SGMS2: variants seen among roughly 807,000 people sequenced by gnomAD.
SGMS2 encodes phosphatidylcholine:ceramide cholinephosphotransferase 2.
SGMS2 carries 21 observed loss-of-function variants against 43.8 expected under a neutral mutation model. That is an observed-to-expected ratio of 0.48 (90% CI 0.34 to 0.69). The LOEUF (loss-of-function observed/expected upper bound fraction) is 0.69. Ranked by LOEUF, SGMS2 falls within the 30% of genes least tolerant of loss-of-function variation. The pLI is 0.01. For missense variants in SGMS2, 384 were observed against 443.2 expected (o/e 0.87, Z 1.20); for synonymous variants, 167 against 160.6 (o/e 1.04, Z -0.30).
intron 2 of SGMS2, among the ~76,000 whole-genome samples, chr4:107,875,343 ATGTCCTGTGCAG>A (rs1209626263): frequency 6.6e-6 from 1 of 152,228 alleles, no homozygotes; most frequent in African/African-American, 2.4e-5. Context: ...GAATGAGATC[ATGTCCTGTGCAG>A]GGACATGGAT....
chr4:107,839,937 G>A (rs546981539), intron 1 of SGMS2, among the ~76,000 whole-genome samples: 6 of 152,116 alleles, frequency 3.9e-5, no homozygotes, highest in Admixed American at 3.9e-4. Context: ...CCTGGTTCAC[G>A]CTAGTCACAG....
chr4:107,838,636 C>A (rs1444732717), intron 1 of SGMS2, among the ~76,000 whole-genome samples: 1 of 152,064 alleles, frequency 6.6e-6, no homozygotes, highest in Non-Finnish European at 1.5e-5. Context: ...TGTCACTCCA[C>A]TACTATATTA....
intron 2 of SGMS2, among the ~76,000 whole-genome samples, chr4:107,879,356 G>A (rs544442999): frequency 1.3e-5 from 2 of 152,252 alleles, no homozygotes; most frequent in South Asian, 4.1e-4. Flanking sequence ...GTAGTGCTCA[G>A]CTGGTAAGTA....
intron 2 of SGMS2, among the ~76,000 whole-genome samples, chr4:107,883,337 T>C (rs1159096657): frequency 2.6e-5 from 4 of 152,182 alleles, no homozygotes; most frequent in African/African-American, 7.2e-5. Context: ...ATTTTTGAAA[T>C]AGAGTCTTGC....
intron 2 of SGMS2, among the ~76,000 whole-genome samples, chr4:107,877,447 A>T (rs956950957): frequency 6.6e-6 from 1 of 152,200 alleles, no homozygotes; most frequent in Non-Finnish European, 1.5e-5. Flanking sequence ...ATATAAGGAA[A>T]GCTAGGAATG....
chr4:107,913,263 A>G lies in SGMS2; in HGVS notation c.*2710A>G, dbSNP rs558616306. The G allele has an allele frequency of 3.2e-4, 48 of 152,198 alleles. No homozygotes were observed. The highest frequency in any genetic ancestry group is 1.2e-3 in the African/African-American group (48 of 41,542). The allele number at this position is 152,198 out of a possible 1,614,324, so 9.4% of individuals were successfully genotyped here. A position where few individuals can be genotyped will look rare whatever the true frequency, so the allele number is the denominator to read the frequency against. ...ACATTTTTTTTCTAACTCATTTCAA[A>G]TGAAATTCTCTCAGATTCTAGTTTT... On this transcript the variant is annotated 3_prime_UTR_variant, in exon 7 of 7. Transcript: ENST00000690982.
intron 1 of SGMS2, among the ~76,000 whole-genome samples, chr4:107,837,589 C>A (rs1385351788): frequency 6.6e-6 from 1 of 152,096 alleles, no homozygotes; most frequent in Non-Finnish European, 1.5e-5. Context: ...TAGTCTTGTT[C>A]CAAATGCCAC....
At chr4:107,874,587 A>G (rs1728776952) in intron 2 of SGMS2, among the ~76,000 whole-genome samples, 1 of 152,198 alleles carries the variant, frequency 6.6e-6, no homozygotes, top group South Asian at 2.1e-4. Context: ...TGAATAAACC[A>G]AATTTATTTC....
At chr4:107,833,048 A>T (rs1156909070) in intron 1 of SGMS2, among the ~76,000 whole-genome samples, 1 of 152,150 alleles carries the variant, frequency 6.6e-6, no homozygotes, top group African/African-American at 2.4e-5. Context: ...AAAGACGTTG[A>T]TACTAATTTT....
intron 1 of SGMS2, among the ~76,000 whole-genome samples, chr4:107,845,696 G>A (rs1176235766): frequency 6.6e-6 from 1 of 152,146 alleles, no homozygotes; most frequent in African/African-American, 2.4e-5. Context: ...ATGTCATTTT[G>A]GAAGTAAAGC....
At chr4:107,907,708 A>G (rs906529133) in intron 5 of SGMS2, among the ~76,000 whole-genome samples, 1 of 152,254 alleles carries the variant, frequency 6.6e-6, no homozygotes, top group Non-Finnish European at 1.5e-5. Context: ...ATAAATGTAA[A>G]CATAGTTAAA....
chr4:107,849,610 G>C lies in SGMS2; in HGVS notation c.-326-8862G>C, dbSNP rs76314615. Among the ~76,000 whole-genome samples, 1,258 of 152,242 alleles carry C rather than the reference G, an allele frequency of 8.3e-3. 14 individuals are homozygous for C. The highest frequency in any genetic ancestry group is 0.029 in the African/African-American group (1,202 of 41,502). Reference sequence around the variant, plus strand: ...CAGATGAACTGCAAATTGTGGTTGAGTTCACTGTGGTCCACAGAATTAAAG... The same window carrying C: ...CAGATGAACTGCAAATTGTGGTTGACTTCACTGTGGTCCACAGAATTAAAG... On this transcript the variant is annotated intron_variant, in intron 1 of 6. Coordinates refer to ENST00000690982, the MANE Select transcript of SGMS2 (RefSeq NM_001375905.1).
chr4:107,840,185 A>G (rs1726419322), intron 1 of SGMS2, among the ~76,000 whole-genome samples: 1 of 152,194 alleles, frequency 6.6e-6, no homozygotes, highest in South Asian at 2.1e-4. Flanking sequence ...TCTTGCCCCA[A>G]TGTCTTGAAA....
intron 2 of SGMS2, among the ~76,000 whole-genome samples, chr4:107,866,622 A>G (rs1245794224): frequency 6.6e-6 from 1 of 152,062 alleles, no homozygotes; most frequent in Non-Finnish European, 1.5e-5. Flanking sequence ...GGGAAATATT[A>G]ATATATGATG....
chr4:107,856,534 G>A (rs1411166805), intron 1 of SGMS2, among the ~76,000 whole-genome samples: 1 of 152,216 alleles, frequency 6.6e-6, no homozygotes, highest in Non-Finnish European at 1.5e-5. Flanking sequence ...TTGAGTTAGA[G>A]TGCAAAAGCA....
intron 2 of SGMS2, among the ~76,000 whole-genome samples, chr4:107,882,651 G>A (rs1239578924): frequency 6.6e-6 from 1 of 152,126 alleles, no homozygotes; most frequent in South Asian, 2.1e-4. Flanking sequence ...CAGAAGCATA[G>A]TACCTGCCAT....
At chr4:107,903,042 G>A (rs1002055845) in intron 4 of SGMS2, among the ~76,000 whole-genome samples, 191 bp from the exon 5 acceptor site, 1 of 151,298 alleles carries the variant, frequency 6.6e-6, no homozygotes, top group Non-Finnish European at 1.5e-5. Flanking sequence ...AATTTAAAAC[G>A]TCAATAAAGC....
rs962500475 is a variant in SGMS2 at position 107,913,032 on chromosome 4, TATG to T, written c.*2482_*2484del. The T allele has an allele frequency of 1.3e-5, 2 of 152,186 alleles. No homozygotes were observed. Among genetic ancestry groups the T allele is most frequent in the Admixed American group, 1.3e-4 (2 of 15,268 alleles). The allele number at this position is 152,186 out of a possible 1,614,324, so 9.4% of individuals were successfully genotyped here. Reference sequence around the variant, plus strand: ...ATGTGCCACTTTGATATAAAACAAGTATGATATATATATAAACTGAAGATATAA... The same window carrying T: ...ATGTGCCACTTTGATATAAAACAAGTATATATATATAAACTGAAGATATAA... On this transcript the variant is annotated 3_prime_UTR_variant, in exon 7 of 7. Coordinates refer to ENST00000690982, the MANE Select transcript of SGMS2 (RefSeq NM_001375905.1).
In SGMS2 at chr4:107,912,026, T is replaced by C. The variant is rs1732158488; in HGVS notation, c.*1473T>C. On this transcript the variant is annotated 3_prime_UTR_variant, in exon 7 of 7. Transcript: ENST00000690982. ...GTAGAAGGAGGCAGTTATGTTTATA[T>C]TGAAGGTGAAATTTTTCTTTCATTT... 6.6e-6 allele frequency: 1 copy of C among 152,174 alleles called. No individual in the cohort carries two copies. Among genetic ancestry groups the C allele is most frequent in the Admixed American group, 6.5e-5 (1 of 15,274 alleles). 9.4% of individuals were successfully genotyped at this position (152,174 alleles called of 1,614,324 possible). A position where few individuals can be genotyped will look rare whatever the true frequency, so the allele number is the denominator to read the frequency against.
Sources: allele counts gnomAD v4.1 joint callset (sites outside exome capture counted in the v4.1 genomes callset), GRCh38; gene constraint gnomAD v4.1.1; transcripts MANE v1.5; gene names NCBI Gene and HGNC (gene_info 2026-07-23, HGNC 2026-07-21).